Variants in GABRG1 observed in about 807,000 individuals in gnomAD.
The protein encoded by GABRG1 is gamma-aminobutyric acid type A receptor subunit gamma1.
Under a neutral mutation model 49.8 loss-of-function variants are expected in GABRG1, and 49 were observed. The observed-to-expected ratio is 0.98, with a 90% CI of 0.78 to 1.25. The LOEUF is 1.25. GABRG1 is among the 50% of genes most tolerant of loss of function. The probability of loss-of-function intolerance (pLI) is 0.00; values close to 1 mark genes in which losing one functional copy is unlikely to be tolerated. For missense variants in GABRG1, 552 were observed against 552.3 expected, an observed-to-expected ratio of 1.00 and a Z score of 0.01; for synonymous variants, 232 against 185.1, an observed-to-expected ratio of 1.25 and a Z score of -2.06.
chr4:46,066,841 T>A (rs1370877384), intron 3 of GABRG1, among the ~76,000 whole-genome samples: 2 of 151,144 alleles, frequency 1.3e-5, no homozygotes, highest in African/African-American at 4.9e-5. Flanking sequence ...TATACATATA[T>A]ATTATATATA....
At chr4:46,089,742 C>T (rs911811482) in intron 2 of GABRG1, among the ~76,000 whole-genome samples, 8 of 151,976 alleles carry the variant, frequency 5.3e-5, no homozygotes, top group Admixed American at 4.6e-4. Flanking sequence ...GCAGGCAGAT[C>T]GCTTGAGCTC....
intron 4 of GABRG1, among the ~76,000 whole-genome samples, chr4:46,064,879 G>T (rs1718847998): frequency 6.6e-6 from 1 of 151,952 alleles, no homozygotes; most frequent in Non-Finnish European, 1.5e-5. Context: ...TTTTCTCTTG[G>T]TTTATTATGA....
At chr4:46,116,042 A>G (rs1455307782) in intron 1 of GABRG1, among the ~76,000 whole-genome samples, 3 of 150,902 alleles carry the variant, frequency 2.0e-5, no homozygotes, top group Non-Finnish European at 4.5e-5. Context: ...AAGAATAAAT[A>G]CTACAAATAA....
At chr4:46,050,104 T>C (rs1338202493) in intron 8 of GABRG1, among the ~76,000 whole-genome samples, 4 of 151,952 alleles carry the variant, frequency 2.6e-5, no homozygotes, top group Non-Finnish European at 4.4e-5. Context: ...GTAGAAAGCA[T>C]TCATTTTTCT....
intron 1 of GABRG1, among the ~76,000 whole-genome samples, chr4:46,101,047 A>G (rs1276879650): frequency 6.6e-6 from 1 of 151,588 alleles, no homozygotes; most frequent in Non-Finnish European, 1.5e-5. Flanking sequence ...AGTGTGTTTC[A>G]TGTCCTGATG....
chr4:46,037,347 G>A lies in GABRG1; in HGVS notation c.*3641C>T, dbSNP rs1315053291. ...CTCCATTTGGAAAGTCCTTGATAAA[G>A]TTTGGTAATGGTTTTTGTAACTGTA... On this transcript the variant is annotated 3_prime_UTR_variant, in exon 9 of 9. Coordinates refer to ENST00000295452, the MANE Select transcript of GABRG1 (RefSeq NM_173536.4). 6.6e-6 allele frequency: 1 copy of A among 151,806 alleles called. No homozygotes were observed. 9.4% of individuals were successfully genotyped at this position (151,806 alleles called of 1,614,324 possible). A position where few individuals can be genotyped will look rare whatever the true frequency, so the allele number is the denominator to read the frequency against.
intron 2 of GABRG1, among the ~76,000 whole-genome samples, chr4:46,094,222 G>C (rs1333839769): frequency 6.6e-6 from 1 of 151,906 alleles, no homozygotes; most frequent in Non-Finnish European, 1.5e-5. Context: ...CAAAAATTAA[G>C]TTCTCAGTAT....
At chr4:46,088,371 T>C (rs1412787808) in intron 2 of GABRG1, among the ~76,000 whole-genome samples, 3 of 152,172 alleles carry the variant, frequency 2.0e-5, no homozygotes, top group African/African-American at 7.2e-5. Flanking sequence ...TAAGTTTTTT[T>C]ACACATAAAC....
At position 46,108,337 on chromosome 4, in the gene GABRG1, T is replaced by C. The variant is rs1720619234; in HGVS notation, c.105-10988A>G. Reference sequence around the variant, plus strand: ...CAGTTTATATGTCACTAAATCTCCGTGTGAGAAGTAGTGTTTTGCACAGCC... The same window carrying C: ...CAGTTTATATGTCACTAAATCTCCGCGTGAGAAGTAGTGTTTTGCACAGCC... On this transcript the variant is annotated intron_variant, in intron 1 of 8. Transcript: ENST00000295452. Among the ~76,000 whole-genome samples the C allele has an allele frequency of 4.0e-5, 6 of 151,280 alleles. No homozygotes were observed. The South Asian group carries it at 1.2e-3, about 31-fold the overall frequency.
intron 2 of GABRG1, among the ~76,000 whole-genome samples, chr4:46,095,363 C>T (rs1720131936): frequency 6.6e-6 from 1 of 151,542 alleles, no homozygotes; most frequent in Admixed American, 6.6e-5. Context: ...TAAATAAATA[C>T]AGAAGTAAAT....
At chr4:46,088,550 TC>T (rs1719864164) in intron 2 of GABRG1, among the ~76,000 whole-genome samples, 1 of 152,010 alleles carries the variant, frequency 6.6e-6, no homozygotes, top group Non-Finnish European at 1.5e-5. Context: ...CATTTGTATC[TC>T]TTAACTTGCG....
intron 1 of GABRG1, among the ~76,000 whole-genome samples, chr4:46,105,052 T>C (rs1318318255): frequency 6.6e-6 from 1 of 151,414 alleles, no homozygotes; most frequent in Admixed American, 6.6e-5. Flanking sequence ...CTATCCTTCC[T>C]TTTTCAGAAA....
intron 2 of GABRG1, among the ~76,000 whole-genome samples, chr4:46,091,170 G>T (rs1719976775): frequency 6.6e-6 from 1 of 151,986 alleles, no homozygotes; most frequent in South Asian, 2.1e-4. Context: ...AGAGGATCCT[G>T]GTACAAACCT....
chr4:46,116,877 C>G (rs1382496902), intron 1 of GABRG1, among the ~76,000 whole-genome samples: 2 of 150,636 alleles, frequency 1.3e-5, no homozygotes, highest in African/African-American at 2.4e-5. Flanking sequence ...GCCAACAGGG[C>G]TACTCAGTGC....
At chr4:46,083,595 C>T (rs568168394) in intron 3 of GABRG1, among the ~76,000 whole-genome samples, 60 of 151,740 alleles carry the variant, frequency 4.0e-4, no homozygotes, top group African/African-American at 1.4e-3. Context: ...CTGATCTTAT[C>T]AGGCTGTTTC....
chr4:46,104,166 T>A (rs1720464506), intron 1 of GABRG1, among the ~76,000 whole-genome samples: 1 of 151,424 alleles, frequency 6.6e-6, no homozygotes, highest in Non-Finnish European at 1.5e-5. Context: ...TTATGATGAT[T>A]CAAATGTATC....
chr4:46,090,400 A>C (rs13128857), intron 2 of GABRG1, among the ~76,000 whole-genome samples: 16,059 of 152,022 alleles, frequency 0.11, 1,942 homozygotes, highest in African/African-American at 0.29. Flanking sequence ...ACTAAAAAAG[A>C]CTATATACAA....
At chr4:46,051,748 G>T in intron 7 of GABRG1, 110 bp from the exon 8 acceptor site, 3 of 604,146 alleles carry the variant, frequency 5.0e-6, no homozygotes, top group Non-Finnish European at 8.6e-6. Context: ...ACAAAAATAT[G>T]ATTACTAGTA....
chr4:46,037,275 G>A lies in GABRG1; in HGVS notation c.*3713C>T, dbSNP rs974503360. On this transcript the variant is annotated 3_prime_UTR_variant, in exon 9 of 9. Transcript: ENST00000295452. ...CGAAATGCAAACACAAAAAGTCAGAGCTGACCTTACATTAACTAGAGCAAT... is the reference window on the plus strand; with the variant it reads ...CGAAATGCAAACACAAAAAGTCAGAACTGACCTTACATTAACTAGAGCAAT... 11 of 151,858 alleles carry A rather than the reference G, an allele frequency of 7.2e-5. No homozygotes were observed. Among genetic ancestry groups the A allele is most frequent in the African/African-American group, 2.7e-4 (11 of 41,392 alleles). The allele number at this position is 151,858 out of a possible 1,614,324, so 9.4% of individuals were successfully genotyped here.
Sources: gnomAD v4.1 joint callset for allele counts (sites outside exome capture counted in the v4.1 genomes callset) on GRCh38, gnomAD v4.1.1 for gene constraint, MANE v1.5 for transcripts, NCBI Gene and HGNC (gene_info 2026-07-23, HGNC 2026-07-21) for gene names.